Variants in CHCHD3 observed in about 807,000 individuals in gnomAD.
CHCHD3 encodes the protein MICOS complex subunit MIC19.
CHCHD3 carries 20 observed loss-of-function variants against 38.2 expected under a neutral mutation model. The observed-to-expected ratio is 0.52, with a 90% CI of 0.37 to 0.76. The LOEUF is 0.76. Ranked by LOEUF, CHCHD3 falls within the 30% of genes least tolerant of loss-of-function variation. CHCHD3 has a pLI of 0.00. For synonymous variants in CHCHD3, 82 were observed against 100.0 expected, an observed-to-expected ratio of 0.82 and a Z score of 1.07; for missense variants, 245 against 279.2, an observed-to-expected ratio of 0.88 and a Z score of 0.87.
At chr7:132,947,806 A>T (rs1417096359) in intron 4 of CHCHD3, among the ~76,000 whole-genome samples, 1 of 152,058 alleles carries the variant, frequency 6.6e-6, no homozygotes, top group Non-Finnish European at 1.5e-5. Context: ...TTTAAAAAAA[A>T]ATCTATCAGG....
At position 132,860,088 on chromosome 7, in the gene CHCHD3, T is replaced by C. The variant is rs753096484; in HGVS notation, c.454-21619A>G. ...GAGTTCAAGACCAGCCTAGGTAACA[T>C]GGCAAAACCATGTCTACACAAAAAA... is the stretch of plus-strand genomic sequence containing the variant. On this transcript the variant is annotated intron_variant, in intron 5 of 7. Transcript: ENST00000262570. 1.6e-4 allele frequency among the ~76,000 whole-genome samples: 25 copies of C among 152,032 alleles called. 1 individual carries two copies. The highest frequency in any genetic ancestry group is 3.3e-4 in the Admixed American group (5 of 15,256).
intron 2 of CHCHD3, among the ~76,000 whole-genome samples, chr7:133,036,233 T>G (rs762985349): frequency 5.3e-5 from 8 of 152,216 alleles, no homozygotes; most frequent in Non-Finnish European, 1.0e-4. Flanking sequence ...ATGAGTAAGA[T>G]TTTACTGCAT....
intron 4 of CHCHD3, among the ~76,000 whole-genome samples, chr7:132,912,977 A>C (rs1809994660): frequency 6.6e-6 from 1 of 152,248 alleles, no homozygotes; most frequent in Non-Finnish European, 1.5e-5. Flanking sequence ...CCACAATGAC[A>C]ATACTTGGTT....
chr7:132,806,953 T>G (rs1806936712), intron 6 of CHCHD3, among the ~76,000 whole-genome samples: 1 of 152,174 alleles, frequency 6.6e-6, no homozygotes, highest in Non-Finnish European at 1.5e-5. Context: ...GAATAACACT[T>G]CGATTTCCTA....
At chr7:133,073,613 CTTCT>C (rs1242618531) in intron 1 of CHCHD3, among the ~76,000 whole-genome samples, 1 of 152,076 alleles carries the variant, frequency 6.6e-6, no homozygotes, top group Non-Finnish European at 1.5e-5. Flanking sequence ...GTTCTTAACT[CTTCT>C]TTCTCTCTCA....
intron 4 of CHCHD3, among the ~76,000 whole-genome samples, chr7:132,930,789 G>A (rs562594957): frequency 4.6e-5 from 7 of 152,090 alleles, no homozygotes; most frequent in Admixed American, 1.3e-4. Flanking sequence ...ATACCTTTTC[G>A]ATCCAGCTTT....
chr7:133,034,416 C>T (rs6971565), intron 2 of CHCHD3, among the ~76,000 whole-genome samples: 3,950 of 147,844 alleles, frequency 0.027, 176 homozygotes, highest in African/African-American at 0.093. Context: ...GGTAAGAAAG[C>T]AACAAGGATG....
chr7:132,979,864 C>G (rs1383629635), intron 3 of CHCHD3, among the ~76,000 whole-genome samples: 1 of 152,064 alleles, frequency 6.6e-6, no homozygotes, highest in Non-Finnish European at 1.5e-5. Flanking sequence ...TTTCCCCAAC[C>G]CTCCCCTCCA....
intron 6 of CHCHD3, among the ~76,000 whole-genome samples, chr7:132,809,916 C>CT (rs2117049549): frequency 6.6e-6 from 1 of 152,266 alleles, no homozygotes; most frequent in East Asian, 1.9e-4. Flanking sequence ...AAAAAAAGTG[C>CT]TCAAACAACA....
chr7:132,978,423 A>C (rs1004322358), intron 3 of CHCHD3, among the ~76,000 whole-genome samples: 21 of 152,184 alleles, frequency 1.4e-4, no homozygotes, highest in African/African-American at 5.1e-4. Flanking sequence ...TAGCTCCATA[A>C]GGACAACGAT....
intron 5 of CHCHD3, among the ~76,000 whole-genome samples, chr7:132,871,377 C>T (rs770869543): frequency 4.6e-5 from 7 of 152,152 alleles, no homozygotes; most frequent in Admixed American, 2.0e-4. Flanking sequence ...GTTCTAGGGA[C>T]GTCTGCCAAA....
intron 2 of CHCHD3, among the ~76,000 whole-genome samples, chr7:133,053,700 T>C (rs1814232891): frequency 6.6e-6 from 1 of 152,206 alleles, no homozygotes; most frequent in Non-Finnish European, 1.5e-5. Flanking sequence ...GAAAAATGCA[T>C]ACATAATAAT....
rs535470830 is a variant in CHCHD3 at position 132,817,228 on chromosome 7, C to G, written c.525-20651G>C. Among the ~76,000 whole-genome samples, 5 of 150,280 alleles carry G rather than the reference C, an allele frequency of 3.3e-5. No homozygotes were observed. In the South Asian group the frequency reaches 1.1e-3, roughly 32 times the overall value. ...CTTTCTTTTTTTTTTTTGGGCATTA[C>G]CCATAATGTATTTGTCCATGGGATA... On this transcript the variant is annotated intron_variant, in intron 6 of 7. Coordinates refer to ENST00000262570, the MANE Select transcript of CHCHD3 (RefSeq NM_017812.4).
intron 4 of CHCHD3, chr7:132,973,009 G>C: frequency 1.2e-5 from 12 of 985,262 alleles, no homozygotes; most frequent in Non-Finnish European, 1.4e-5. Context: ...TAGTTATGTT[G>C]AGTAACAAAT....
chr7:132,796,656 G>T, intron 6 of CHCHD3, 79 bp from the exon 7 acceptor site: 1 of 1,292,416 alleles, frequency 7.7e-7, no homozygotes, highest in Non-Finnish European at 1.1e-6. Context: ...CACATAAAAC[G>T]CACAGTAAGA....
intron 6 of CHCHD3, among the ~76,000 whole-genome samples, chr7:132,821,381 C>A (rs1268366523): frequency 6.6e-6 from 1 of 152,090 alleles, no homozygotes; most frequent in Non-Finnish European, 1.5e-5. Context: ...TAGAATAGGT[C>A]TACTGAATGA....
rs367717712 is a variant in CHCHD3, at chr7:133,075,544, G to T, written c.82-5315C>A. Among the ~76,000 whole-genome samples, 23 of 152,264 alleles carry T rather than the reference G, an allele frequency of 1.5e-4. 1 individual carries two copies. Among genetic ancestry groups the T allele is most frequent in the Middle Eastern group, 3.4e-3 (1 of 294 alleles). Reference sequence around the variant, plus strand: ...ATCCAAAGTTAATGCTCTCTGAGCTGACCTTCCCATTGCAGTAGTAAGTTC... The same window carrying T: ...ATCCAAAGTTAATGCTCTCTGAGCTTACCTTCCCATTGCAGTAGTAAGTTC... On this transcript the variant is annotated intron_variant, in intron 1 of 7. Coordinates refer to ENST00000262570, the MANE Select transcript of CHCHD3 (RefSeq NM_017812.4).
intron 2 of CHCHD3, among the ~76,000 whole-genome samples, chr7:133,027,704 T>C (rs1444726234): frequency 7.9e-5 from 12 of 152,088 alleles, no homozygotes; most frequent in Admixed American, 6.5e-4. Flanking sequence ...ATGAGAAAAA[T>C]ATAAGCCTCT....
chr7:132,824,314 C>CT (rs57262694), intron 6 of CHCHD3, among the ~76,000 whole-genome samples: 7,907 of 89,894 alleles, frequency 0.088, 764 homozygotes, highest in African/African-American at 0.15. Context: ...TAGTAGAACT[C>CT]TTTTTTTTTT....
Sources: gnomAD v4.1 joint callset for allele counts (sites outside exome capture counted in the v4.1 genomes callset) on GRCh38, gnomAD v4.1.1 for gene constraint, MANE v1.5 for transcripts, NCBI Gene and HGNC (gene_info 2026-07-23, HGNC 2026-07-21) for gene names.